UROS: variants seen among roughly 807,000 people sequenced by gnomAD.
UROS encodes the protein uroporphyrinogen-III synthase.
Under a neutral mutation model 33.0 loss-of-function variants are expected in UROS, and 18 were observed. The observed-to-expected ratio is 0.55, with a 90% CI of 0.38 to 0.81. UROS has a LOEUF of 0.81. UROS is among the 30% of genes least tolerant of loss of function. The probability of loss-of-function intolerance (pLI) is 0.00; values close to 1 mark genes in which losing one functional copy is unlikely to be tolerated. For synonymous variants in UROS, 114 were observed against 121.1 expected (o/e 0.94, Z 0.38); for missense variants, 293 against 314.9 (o/e 0.93, Z 0.53).
chr10:125,816,564 A>C, intron 1 of UROS, 39 bp from the exon 2 acceptor site: 10 of 1,592,048 alleles, frequency 6.3e-6, no homozygotes, highest in Non-Finnish European at 8.6e-6. Context: ...ATTAGATCTC[A>C]AAGACTCTTC....
At chr10:125,806,140 C>T (rs531451207) in intron 6 of UROS, among the ~76,000 whole-genome samples, 114 of 152,252 alleles carry the variant, frequency 7.5e-4, no homozygotes, top group African/African-American at 2.5e-3. Context: ...CAATGACTTA[C>T]GGCAGGAAGA....
intron 1 of UROS, among the ~76,000 whole-genome samples, chr10:125,820,550 T>A (rs899510263): frequency 6.6e-6 from 1 of 152,160 alleles, no homozygotes; most frequent in Non-Finnish European, 1.5e-5. Context: ...CACCAAGAAA[T>A]AATGTTTAAC....
intron 5 of UROS, 64 bp downstream of exon 5, chr10:125,812,150 T>C: frequency 6.7e-7 from 1 of 1,484,954 alleles, no homozygotes; most frequent in African/African-American, 1.4e-5. Flanking sequence ...TGAGTTAAAC[T>C]GTTTTTTAAA....
intron 1 of UROS, among the ~76,000 whole-genome samples, chr10:125,817,647 T>C (rs1853460211): frequency 6.6e-6 from 1 of 150,490 alleles, no homozygotes. Flanking sequence ...TTGAACTTAC[T>C]GCCTCCCAGG....
chr10:125,796,227 G>A (rs1480210874), intron 7 of UROS, 39 bp from the exon 8 acceptor site: 2 of 1,598,730 alleles, frequency 1.3e-6, no homozygotes, highest in East Asian at 4.5e-5. Context: ...TTACCGCACT[G>A]GGCACACAAT....
At chr10:125,797,297 G>A (rs1282282443) in intron 7 of UROS, among the ~76,000 whole-genome samples, 1 of 152,174 alleles carries the variant, frequency 6.6e-6, no homozygotes, top group Non-Finnish European at 1.5e-5. Flanking sequence ...TGGAGAACAA[G>A]GTGTCATGCT....
intron 6 of UROS, among the ~76,000 whole-genome samples, chr10:125,801,800 A>G (rs1246483592): frequency 6.6e-6 from 1 of 152,216 alleles, no homozygotes; most frequent in Non-Finnish European, 1.5e-5. Context: ...CTGAAACACC[A>G]ATGTGATCAC....
chr10:125,821,814 C>T (rs1282232476), intron 1 of UROS, among the ~76,000 whole-genome samples: 1 of 152,168 alleles, frequency 6.6e-6, no homozygotes, highest in Middle Eastern at 3.4e-3. Flanking sequence ...TGCAGTTGTG[C>T]GACCCAAAGA....
At chr10:125,805,174 T>C (rs1419272726) in intron 6 of UROS, among the ~76,000 whole-genome samples, 1 of 152,238 alleles carries the variant, frequency 6.6e-6, no homozygotes, top group Non-Finnish European at 1.5e-5. Flanking sequence ...CTACAGCTTA[T>C]TCATCTGAGT....
chr10:125,796,146 T>A lies in UROS; in HGVS notation c.518A>T (p.His173Leu). The change falls in exon 8 of 10, where the codon CAC becomes CTC. Residue 173 changes from histidine (H) to leucine (L), a missense_variant. Transcript: ENST00000368797. ...ESITVYQTVA[H>L]PGIQGNLNSY... Reference sequence around the variant, plus strand: ...GTTCAGGTTCCCTTGGATTCCTGGGTGTGCAACTGTCTGATACACAGTTAT... The same window carrying A: ...GTTCAGGTTCCCTTGGATTCCTGGGAGTGCAACTGTCTGATACACAGTTAT... 6.2e-7 allele frequency: 1 copy of A among 1,614,182 alleles called. No homozygotes were observed. Among genetic ancestry groups the A allele is most frequent in the Non-Finnish European group, 8.5e-7 (1 of 1,180,030 alleles).
Position 125,795,355 on chromosome 10 carries a change from C to T in UROS, c.562-377G>A, listed in dbSNP as rs981490298. ...CTGGCTCCCTGTCAATGCTCCCTCCCTCTGGAAGCAGAGCAAGCAGACAAG... is the reference window on the plus strand; with the variant it reads ...CTGGCTCCCTGTCAATGCTCCCTCCTTCTGGAAGCAGAGCAAGCAGACAAG... On this transcript the variant is annotated intron_variant, in intron 8 of 9. Transcript: ENST00000368797. 1.3e-5 allele frequency: 4 copies of T among 305,500 alleles called. No homozygotes were observed. The Admixed American group carries it at 1.4e-4, about 11-fold the overall frequency. The allele number at this position is 305,500 out of a possible 1,614,324, so 18.9% of individuals were successfully genotyped here. A position where few individuals can be genotyped will look rare whatever the true frequency, so the allele number is the denominator to read the frequency against.
At chr10:125,792,598 T>A (rs756684436) in intron 9 of UROS, 5 of 152,242 alleles carry the variant, frequency 3.3e-5, no homozygotes, top group Non-Finnish European at 7.3e-5. Context: ...TGCAGTGACA[T>A]CTCTGTGGCA....
chr10:125,802,863 T>C, intron 6 of UROS: 2 of 1,538,752 alleles, frequency 1.3e-6, no homozygotes, highest in Non-Finnish European at 1.8e-6. Flanking sequence ...CAGCAGCCCC[T>C]TTCCCTTGGG....
chr10:125,814,934 C>T lies in UROS; in HGVS notation c.244+100G>A. ...GTGACCTGATACCACTAAGCACTCA[C>T]TTCTCTTAGAAGTGCAGCTGCTTCT... On this transcript the variant is annotated intron_variant, in intron 4 of 9. Coordinates refer to ENST00000368797, the MANE Select transcript of UROS (RefSeq NM_000375.3). The T allele has an allele frequency of 1.2e-5, 16 of 1,354,404 alleles. 1 individual carries two copies. The highest frequency in any genetic ancestry group is 1.6e-5 in the Non-Finnish European group (15 of 964,800). 83.9% of individuals were successfully genotyped at this position (1,354,404 alleles called of 1,614,324 possible).
chr10:125,785,881 G>A (rs960417284), downstream of UROS: 1 of 152,260 alleles, frequency 6.6e-6, no homozygotes, highest in Non-Finnish European at 1.5e-5. Flanking sequence ...AAAAGGGAAT[G>A]TAGATCACAC....
chr10:125,796,403 TGAGACGGCA>T (rs1851368720), intron 7 of UROS, among the ~76,000 whole-genome samples: 1 of 152,198 alleles, frequency 6.6e-6, no homozygotes, highest in Non-Finnish European at 1.5e-5. Flanking sequence ...AAGAGGAGGC[TGAGACGGCA>T]GAAAAAGAAC....
At chr10:125,789,337 C>T (rs1041735404) in intron 9 of UROS, 7 of 1,252,254 alleles carry the variant, frequency 5.6e-6, no homozygotes, top group Non-Finnish European at 1.0e-6. Flanking sequence ...GCAGACAGTT[C>T]TTCTTCGGGT....
chr10:125,797,806 C>G (rs1459752149), intron 7 of UROS, among the ~76,000 whole-genome samples: 2 of 152,210 alleles, frequency 1.3e-5, no homozygotes, highest in Non-Finnish European at 2.9e-5. Context: ...CTCCTGTCCT[C>G]TTGGTGAAGG....
intron 6 of UROS, among the ~76,000 whole-genome samples, chr10:125,799,786 T>A (rs1851665274): frequency 6.6e-6 from 1 of 152,136 alleles, no homozygotes; most frequent in African/African-American, 2.4e-5. Context: ...AGGAGAAAAT[T>A]GAAAATGTCC....
Sources: gnomAD v4.1 joint callset for allele counts (sites outside exome capture counted in the v4.1 genomes callset) on GRCh38, gnomAD v4.1.1 for gene constraint, MANE v1.5 for transcripts, NCBI Gene and HGNC (gene_info 2026-07-23, HGNC 2026-07-21) for gene names.